ERC1: variants seen among roughly 807,000 people sequenced by gnomAD.
The protein encoded by ERC1 is ELKS/RAB6-interacting/CAST family member 1.
A neutral mutation model predicts 132.0 loss-of-function variants in ERC1; 56 were observed. That is an observed-to-expected ratio of 0.42 (90% confidence interval 0.34 to 0.53). The LOEUF is 0.53. Ranked by LOEUF, ERC1 falls within the 20% of genes least tolerant of loss-of-function variation. The pLI is 0.03. For missense variants in ERC1, 1,202 were observed against 1,349.9 expected (o/e 0.89, Z 1.72); for synonymous variants, 478 against 476.1 (o/e 1.00, Z -0.05).
chr12:1,121,008 G>A (rs545784748), intron 7 of ERC1, among the ~76,000 whole-genome samples: 28 of 152,246 alleles, frequency 1.8e-4, no homozygotes, highest in African/African-American at 6.3e-4. Flanking sequence ...CATTTTTAGA[G>A]ATCATCCAGT....
At position 1,110,264 on chromosome 12, in the gene ERC1, G is replaced by A; in HGVS notation, c.1234G>A (p.Gly412Ser). 6.2e-7 allele frequency: 1 copy of A among 1,613,452 alleles called. No homozygotes were observed. The highest frequency in any genetic ancestry group is 8.5e-7 in the Non-Finnish European group (1 of 1,179,662). The change falls in exon 5 of 19, where the codon GGT becomes AGT. Residue 412 changes from glycine (G) to serine (S), a missense_variant. Transcript: ENST00000360905. ...EEEIQMLKSN[G>S]ALSTEEREEE... ...GGAAATTCAGATGCTGAAATCGAAT[G>A]GTGCTTTGAGTACTGAGGAAAGGGA... is the stretch of plus-strand genomic sequence containing the variant.
chr12:1,479,661 G>C (rs1005658901), intron 18 of ERC1, among the ~76,000 whole-genome samples: 1 of 152,158 alleles, frequency 6.6e-6, no homozygotes, highest in Non-Finnish European at 1.5e-5. Context: ...AGGACGGGCA[G>C]GATTCAGTGC....
intron 8 of ERC1, among the ~76,000 whole-genome samples, chr12:1,173,058 C>A (rs1038430857): frequency 2.6e-5 from 4 of 152,090 alleles, no homozygotes; most frequent in Non-Finnish European, 5.9e-5. Context: ...TCGTTTTATT[C>A]TTTGCTTCAG....
chr12:1,159,664 C>T (rs930157188), intron 8 of ERC1, among the ~76,000 whole-genome samples: 1 of 151,868 alleles, frequency 6.6e-6, no homozygotes, highest in Non-Finnish European at 1.5e-5. Flanking sequence ...ATTTTTATTC[C>T]CCTCATTGTT....
intron 17 of ERC1, among the ~76,000 whole-genome samples, chr12:1,431,093 A>G (rs2154403703): frequency 6.6e-6 from 1 of 152,300 alleles, no homozygotes; most frequent in South Asian, 2.1e-4. Flanking sequence ...AAGCAATGAA[A>G]TAAAGCCTGA....
intron 12 of ERC1, among the ~76,000 whole-genome samples, chr12:1,197,986 C>T (rs1244209225): frequency 2.6e-5 from 4 of 151,620 alleles, no homozygotes; most frequent in African/African-American, 4.8e-5. Flanking sequence ...AGTGCAGTGG[C>T]ACTATCACGG....
intron 18 of ERC1, among the ~76,000 whole-genome samples, chr12:1,464,550 C>T (rs1459512219): frequency 1.9e-5 from 2 of 107,206 alleles, no homozygotes; most frequent in African/African-American, 3.6e-5. Context: ...GACAGAGTTT[C>T]GCTCCGTTGC....
At chr12:1,009,269 G>A (rs1303733336) in intron 1 of ERC1, among the ~76,000 whole-genome samples, 1 of 151,780 alleles carries the variant, frequency 6.6e-6, no homozygotes, top group Non-Finnish European at 1.5e-5. Context: ...CCGCCTCCCG[G>A]GTTCACGCCA....
chr12:1,444,577 T>C lies in ERC1; in HGVS notation c.3040T>C (p.Leu1014=), dbSNP rs375381525. Residue 1014 remains leucine, a synonymous_variant, in exon 18 of 19, where the codon TTA becomes CTA. Transcript: ENST00000360905. ...TTTGCCTTAGATCATCCAGCCCCTC[T>C]TAGAACTTGACCAAAATAGAAGTAA... ...PSPDQIIQPL[L]ELDQNRSKLK... 1.2e-6 allele frequency: 2 copies of C among 1,611,802 alleles called. No individual in the cohort carries two copies. Among genetic ancestry groups the C allele is most frequent in the Non-Finnish European group, 1.7e-6 (2 of 1,178,950 alleles).
At chr12:1,253,720 T>A (rs2076609292) in intron 13 of ERC1, among the ~76,000 whole-genome samples, 1 of 152,052 alleles carries the variant, frequency 6.6e-6, no homozygotes, top group African/African-American at 2.4e-5. Flanking sequence ...TACAGCTCAG[T>A]GATGTGTAGC....
chr12:1,024,278 G>T (rs762848063), intron 1 of ERC1, among the ~76,000 whole-genome samples: 2 of 152,120 alleles, frequency 1.3e-5, no homozygotes, highest in African/African-American at 2.4e-5. Flanking sequence ...CTACTCGGGT[G>T]GCTGAGGTGG....
At chr12:1,197,564 G>A (rs7138610) in intron 12 of ERC1, among the ~76,000 whole-genome samples, 50,684 of 151,974 alleles carry the variant, frequency 0.33, 9,763 homozygotes, top group African/African-American at 0.52. Flanking sequence ...CTGGCATGTG[G>A]GTTGTTTTGC....
rs189110184 is a variant in ERC1, at chr12:1,375,885, C to T, written c.2925+3908C>T. The stretch of plus-strand genomic sequence containing the variant: ...CCGAGTAGCTGGGATTATGGGTGCC[C>T]GCCACCGCGCCCGGCTAATTTTTTG... On this transcript the variant is annotated intron_variant, in intron 16 of 18. Coordinates refer to ENST00000360905, the MANE Select transcript of ERC1 (RefSeq NM_178040.4). Among the ~76,000 whole-genome samples, 574 of 151,946 alleles carry T rather than the reference C, an allele frequency of 3.8e-3. 4 individuals are homozygous for T. Among genetic ancestry groups the T allele is most frequent in the Admixed American group, 5.0e-3 (76 of 15,272 alleles).
intron 14 of ERC1, among the ~76,000 whole-genome samples, chr12:1,286,997 A>G (rs994644157): frequency 6.6e-6 from 1 of 152,314 alleles, no homozygotes; most frequent in East Asian, 1.9e-4. Flanking sequence ...TGAAGAGAAC[A>G]AGCTGAGACT....
At chr12:1,297,139 G>A (rs751201909) in intron 15 of ERC1, among the ~76,000 whole-genome samples, 2 of 150,908 alleles carry the variant, frequency 1.3e-5, no homozygotes, top group Non-Finnish European at 2.9e-5. Context: ...AACTATGATA[G>A]CTGAGTCCTT....
intron 2 of ERC1, among the ~76,000 whole-genome samples, chr12:1,038,828 TG>T (rs1158516996): frequency 5.3e-5 from 8 of 152,124 alleles, no homozygotes; most frequent in African/African-American, 1.9e-4. Flanking sequence ...GGAAAGGAAA[TG>T]AGTTTCTTGT....
chr12:1,440,454 CCTT>C (rs2093099034), intron 17 of ERC1, among the ~76,000 whole-genome samples: 1 of 150,868 alleles, frequency 6.6e-6, no homozygotes, highest in Non-Finnish European at 1.5e-5. Flanking sequence ...GATCTGCCCT[CCTT>C]GGCCTCCCAA....
chr12:1,422,153 G>A (rs751372020), intron 17 of ERC1, among the ~76,000 whole-genome samples: 1 of 152,196 alleles, frequency 6.6e-6, no homozygotes, highest in African/African-American at 2.4e-5. Context: ...CTTGCAGAGG[G>A]ACTATTATCA....
In ERC1 at chr12:1,441,643, G is replaced by A. The variant is rs369951202; in HGVS notation, c.3025-2919G>A. ...CAGCTCTATACCCACAAACATGCGCGTGTGCACCAAAAGAATGGGAATAAA... is the reference window on the plus strand; with the variant it reads ...CAGCTCTATACCCACAAACATGCGCATGTGCACCAAAAGAATGGGAATAAA... On this transcript the variant is annotated intron_variant, in intron 17 of 18. Transcript: ENST00000360905. Among the ~76,000 whole-genome samples the A allele has an allele frequency of 1.1e-4, 16 of 152,182 alleles. No homozygotes were observed. The East Asian group carries it at 1.7e-3, about 17-fold the overall frequency.
Sources: gnomAD v4.1 joint callset for allele counts (sites outside exome capture counted in the v4.1 genomes callset) on GRCh38, gnomAD v4.1.1 for gene constraint, MANE v1.5 for transcripts, NCBI Gene and HGNC (gene_info 2026-07-23, HGNC 2026-07-21) for gene names.